The following TTC23 variants were observed in gnomAD, a reference collection of about 807,000 sequenced individuals.
The protein encoded by TTC23 is tetratricopeptide repeat protein 23.
Under a neutral mutation model 55.1 loss-of-function variants are expected in TTC23, and 58 were observed. The observed-to-expected ratio is 1.05, with a 90% confidence interval of 0.85 to 1.31. The LOEUF is 1.31. Among genes scored for constraint, TTC23 ranks in the 50% most tolerant of loss-of-function variants. The pLI, the probability that TTC23 is intolerant of heterozygous loss-of-function variation, is 0.00. For missense variants in TTC23, 516 were observed against 534.4 expected, an observed-to-expected ratio of 0.97 and a Z score of 0.34; for synonymous variants, 203 against 199.9, an observed-to-expected ratio of 1.02 and a Z score of -0.13.
intron 10 of TTC23, among the ~76,000 whole-genome samples, chr15:99,166,270 C>A (rs1002373136): frequency 6.6e-6 from 1 of 152,212 alleles, no homozygotes; most frequent in African/African-American, 2.4e-5. Flanking sequence ...GTTCTCCCAC[C>A]TCCCAGGATT....
chr15:99,164,884 T>C (rs575160176), intron 10 of TTC23, among the ~76,000 whole-genome samples: 8 of 152,250 alleles, frequency 5.3e-5, no homozygotes, highest in African/African-American at 1.9e-4. Flanking sequence ...GCAGGGTGAA[T>C]GGGAAAGAGA....
intron 12 of TTC23, among the ~76,000 whole-genome samples, chr15:99,141,842 G>T (rs782254831): frequency 1.1e-4 from 16 of 152,122 alleles, no homozygotes; most frequent in Non-Finnish European, 2.2e-4. Flanking sequence ...TTAAATAACA[G>T]AAAATATTCA....
chr15:99,247,120 C>T (rs1279290791), intron 1 of TTC23, among the ~76,000 whole-genome samples: 1 of 152,126 alleles, frequency 6.6e-6, no homozygotes, highest in African/African-American at 2.4e-5. Context: ...TAATAAGATA[C>T]CACTTAAAAT....
intron 12 of TTC23, chr15:99,139,698 G>C: frequency 7.3e-7 from 1 of 1,375,884 alleles, no homozygotes; most frequent in Non-Finnish European, 9.6e-7. Context: ...GTACTGACCA[G>C]AGGATGGGCT....
At chr15:99,200,463 G>C (rs182942010) in intron 8 of TTC23, among the ~76,000 whole-genome samples, 44 of 152,282 alleles carry the variant, frequency 2.9e-4, no homozygotes, top group Non-Finnish European at 5.4e-4. Context: ...AGTGCTATAT[G>C]GGTAGGTATT....
intron 9 of TTC23, among the ~76,000 whole-genome samples, chr15:99,186,620 C>T (rs1273409693): frequency 1.3e-5 from 2 of 151,898 alleles, no homozygotes; most frequent in Non-Finnish European, 1.5e-5. Context: ...AGCAAGGTTG[C>T]AGGATACAAG....
intron 9 of TTC23, among the ~76,000 whole-genome samples, chr15:99,188,567 A>C (rs181115920): frequency 6.6e-6 from 1 of 152,058 alleles, no homozygotes; most frequent in Non-Finnish European, 1.5e-5. Flanking sequence ...CAAAGGGGCA[A>C]TATGTATAAG....
Position 99,221,849 on chromosome 15 carries a change from G to A in TTC23, c.196C>T (p.His66Tyr), listed in dbSNP as rs772983584. The A allele has an allele frequency of 1.2e-6, 2 of 1,614,128 alleles. No individual in the cohort carries two copies. The highest frequency in any genetic ancestry group is 1.1e-5 in the South Asian group (1 of 91,070). Residue 66 changes from histidine (H) to tyrosine (Y), a missense_variant, in exon 6 of 14, where the codon CAT (histidine) becomes TAT (tyrosine). His to Tyr is a moderately conservative substitution (Grantham distance 83). Transcript: ENST00000394132. ...AGTGCTACGCAACGCACAAGCTCAT[G>A]GACGGCCTGTTTGTACTGTTAGGAA... is the stretch of plus-strand genomic sequence containing the variant. Reference protein sequence around the residue: ...SNSHEYKQAVHELVRCVALTR... With the variant: ...SNSHEYKQAVYELVRCVALTR...
intron 10 of TTC23, among the ~76,000 whole-genome samples, chr15:99,174,575 G>A (rs1374449354): frequency 1.3e-5 from 2 of 152,148 alleles, no homozygotes; most frequent in African/African-American, 2.4e-5. Flanking sequence ...CTATTACGCG[G>A]GGATAAGAAA....
At chr15:99,192,803 G>C (rs1296846124) in intron 9 of TTC23, among the ~76,000 whole-genome samples, 1 of 152,176 alleles carries the variant, frequency 6.6e-6, no homozygotes, top group Non-Finnish European at 1.5e-5. Flanking sequence ...TTTGCACCGT[G>C]TGCCTGGAAA....
upstream of TTC23, chr15:99,251,072 G>C (rs2080701787): frequency 6.6e-6 from 1 of 152,030 alleles, no homozygotes. Context: ...CTCTGAATGA[G>C]AAGCCGAGTG....
At chr15:99,146,865 A>C (rs55952862) in intron 12 of TTC23, among the ~76,000 whole-genome samples, 2,160 of 152,270 alleles carry the variant, frequency 0.014, 17 homozygotes, top group Non-Finnish European at 0.023. Context: ...TGGTCAGGAG[A>C]ACTGGAATTC....
At chr15:99,162,693 T>TC (rs2071531146) in intron 10 of TTC23, among the ~76,000 whole-genome samples, 1 of 152,096 alleles carries the variant, frequency 6.6e-6, no homozygotes, top group Non-Finnish European at 1.5e-5. Context: ...CCTTGTGTAG[T>TC]CCCTCCCCTG....
intron 12 of TTC23, 158 bp from the exon 13 acceptor site, chr15:99,139,557 G>C: frequency 6.5e-7 from 1 of 1,545,964 alleles, no homozygotes; most frequent in Non-Finnish European, 8.7e-7. Flanking sequence ...CTGACCTTTG[G>C]TTTGGATGTT....
intron 11 of TTC23, chr15:99,160,031 C>T (rs1050894837): frequency 1.3e-5 from 2 of 152,216 alleles, no homozygotes; most frequent in African/African-American, 4.8e-5. Context: ...CTCCCCTTGT[C>T]TTCTAGAGAT....
intron 10 of TTC23, among the ~76,000 whole-genome samples, chr15:99,171,327 G>A (rs529964866): frequency 1.3e-5 from 2 of 152,264 alleles, no homozygotes; most frequent in Non-Finnish European, 2.9e-5. Context: ...GTAGAACAAC[G>A]AGTAGAGACA....
chr15:99,233,879 A>T (rs1274210478), intron 4 of TTC23, among the ~76,000 whole-genome samples: 2 of 152,250 alleles, frequency 1.3e-5, no homozygotes, highest in Admixed American at 6.5e-5. Context: ...GGACCCACAC[A>T]TACATGAATA....
At chr15:99,154,325 T>C (rs577567156) in intron 12 of TTC23, among the ~76,000 whole-genome samples, 39 of 152,314 alleles carry the variant, frequency 2.6e-4, no homozygotes, top group African/African-American at 6.7e-4. Context: ...ACATCTGCTA[T>C]GGTTTGAATG....
intron 9 of TTC23, among the ~76,000 whole-genome samples, chr15:99,193,207 C>T (rs1319365214): frequency 2.6e-5 from 4 of 152,090 alleles, no homozygotes; most frequent in African/African-American, 9.7e-5. Context: ...TGAGGTGAGA[C>T]TTTGGAGGAC....
Sources: allele counts gnomAD v4.1 joint callset (sites outside exome capture counted in the v4.1 genomes callset), GRCh38; gene constraint gnomAD v4.1.1; transcripts MANE v1.5; gene names NCBI Gene and HGNC (gene_info 2026-07-23, HGNC 2026-07-21).